The following DOK6 variants were observed in gnomAD, a reference collection of about 807,000 sequenced individuals.
DOK6 encodes the protein docking protein 6, also known as downstream of tyrosine kinase 6.
In DOK6, 22 loss-of-function variants were observed where a neutral mutation model predicts 44.0. The observed-to-expected ratio is 0.50, with a 90% CI of 0.36 to 0.71. DOK6 has a LOEUF of 0.71. DOK6 is among the 30% of genes least tolerant of loss of function. The pLI is 0.00. For synonymous variants in DOK6, 166 were observed against 145.5 expected (o/e 1.14, Z -1.01); for missense variants, 340 against 416.4 (o/e 0.82, Z 1.60).
intron 1 of DOK6, among the ~76,000 whole-genome samples, chr18:69,493,521 C>G (rs1239537339): frequency 1.3e-5 from 2 of 152,130 alleles, no homozygotes; most frequent in Non-Finnish European, 2.9e-5. Flanking sequence ...TTTAGCCACT[C>G]TAGGGGATAT....
At chr18:69,574,539 G>T (rs1418040372) in intron 2 of DOK6, among the ~76,000 whole-genome samples, 1 of 151,910 alleles carries the variant, frequency 6.6e-6, no homozygotes, top group Non-Finnish European at 1.5e-5. Flanking sequence ...AATAATGGGG[G>T]AATGCACTAT....
chr18:69,577,569 T>C (rs993193109), intron 2 of DOK6, among the ~76,000 whole-genome samples: 1 of 152,118 alleles, frequency 6.6e-6, no homozygotes, highest in African/African-American at 2.4e-5. Context: ...TATTACCACA[T>C]GCAGGTGTCT....
intron 1 of DOK6, among the ~76,000 whole-genome samples, chr18:69,421,333 C>T (rs1325507775): frequency 6.6e-6 from 1 of 152,142 alleles, no homozygotes; most frequent in Non-Finnish European, 1.5e-5. Context: ...ATTATTTAAG[C>T]CCCAGCTCAA....
intron 7 of DOK6, among the ~76,000 whole-genome samples, chr18:69,833,234 G>A (rs1236446170): frequency 6.6e-6 from 1 of 152,050 alleles, no homozygotes; most frequent in Non-Finnish European, 1.5e-5. Context: ...AATGGAAAGA[G>A]TTGAGGACCC....
intron 1 of DOK6, among the ~76,000 whole-genome samples, chr18:69,510,378 G>A (rs1377137811): frequency 6.6e-6 from 1 of 152,050 alleles, no homozygotes; most frequent in African/African-American, 2.4e-5. Flanking sequence ...CACTGTTCAG[G>A]CCATAAATTT....
At chr18:69,508,393 TTC>T (rs1179928798) in intron 1 of DOK6, among the ~76,000 whole-genome samples, 30 of 152,360 alleles carry the variant, frequency 2.0e-4, no homozygotes, top group Admixed American at 7.2e-4. Context: ...AAATATCCCC[TTC>T]TCTCTGTTTT....
At chr18:69,531,025 T>G (rs1377719226) in intron 1 of DOK6, among the ~76,000 whole-genome samples, 1 of 152,032 alleles carries the variant, frequency 6.6e-6, no homozygotes, top group Non-Finnish European at 1.5e-5. Flanking sequence ...CTTCTTTGTC[T>G]CTTTTGATCT....
chr18:69,651,013 T>G (rs1302293220), intron 3 of DOK6, among the ~76,000 whole-genome samples: 1 of 152,196 alleles, frequency 6.6e-6, no homozygotes, highest in Non-Finnish European at 1.5e-5. Flanking sequence ...ACATAAACAT[T>G]TTAAAAAGCA....
intron 5 of DOK6, among the ~76,000 whole-genome samples, chr18:69,708,783 C>CAAAA (rs376287840): frequency 1.3e-5 from 1 of 79,304 alleles, no homozygotes; most frequent in Non-Finnish European, 2.4e-5. Context: ...AAATCCGTCT[C>CAAAA]AAAAAAAAAA....
chr18:69,514,890 C>T (rs1272113434), intron 1 of DOK6, among the ~76,000 whole-genome samples: 1 of 151,112 alleles, frequency 6.6e-6, no homozygotes, highest in African/African-American at 2.4e-5. Context: ...GCAGGCATTG[C>T]CATTCAGCTC....
intron 7 of DOK6, among the ~76,000 whole-genome samples, chr18:69,805,919 T>C (rs949135000): frequency 6.6e-6 from 1 of 152,030 alleles, no homozygotes; most frequent in African/African-American, 2.4e-5. Flanking sequence ...TCTATTATAA[T>C]AATTTATCTT....
chr18:69,686,646 T>C (rs1986158599), intron 4 of DOK6, among the ~76,000 whole-genome samples: 1 of 152,030 alleles, frequency 6.6e-6, no homozygotes. Context: ...CTCTGGAAAA[T>C]AAAGCAATAT....
At chr18:69,433,879 A>G (rs1402235254) in intron 1 of DOK6, among the ~76,000 whole-genome samples, 1 of 152,146 alleles carries the variant, frequency 6.6e-6, no homozygotes, top group Non-Finnish European at 1.5e-5. Context: ...ATTCCTATGT[A>G]CTTTTTCACT....
At chr18:69,501,072 A>C (rs1017118712) in intron 1 of DOK6, among the ~76,000 whole-genome samples, 6 of 152,198 alleles carry the variant, frequency 3.9e-5, no homozygotes, top group African/African-American at 1.4e-4. Flanking sequence ...CAAACACAAA[A>C]GATGGAAAAA....
intron 1 of DOK6, among the ~76,000 whole-genome samples, chr18:69,555,745 C>T (rs557946647): frequency 6.6e-5 from 10 of 152,246 alleles, no homozygotes; most frequent in South Asian, 6.2e-4. Flanking sequence ...TCTCATGTTC[C>T]GTGTGAGCTT....
intron 1 of DOK6, among the ~76,000 whole-genome samples, chr18:69,404,770 T>G (rs1459610741): frequency 6.9e-6 from 1 of 144,698 alleles, no homozygotes; most frequent in Non-Finnish European, 1.5e-5. Flanking sequence ...TCTGAAGGAG[T>G]GTCTCAGGAT....
intron 3 of DOK6, among the ~76,000 whole-genome samples, chr18:69,633,203 C>T (rs1014021740): frequency 1.3e-5 from 2 of 152,210 alleles, no homozygotes; most frequent in Admixed American, 1.3e-4. Context: ...GTATATTCTA[C>T]TTGTCAGTAT....
chr18:69,672,163 A>G (rs1486533071), intron 3 of DOK6, among the ~76,000 whole-genome samples: 1 of 152,182 alleles, frequency 6.6e-6, no homozygotes, highest in Non-Finnish European at 1.5e-5. Context: ...GAAGGGAGGA[A>G]ATGAGGGGAA....
intron 2 of DOK6, among the ~76,000 whole-genome samples, chr18:69,583,882 G>C (rs187863057): frequency 2.0e-4 from 30 of 152,286 alleles, no homozygotes; most frequent in African/African-American, 6.7e-4. Context: ...ACCAAGGCGG[G>C]AGGATCATGA....
Sources: gnomAD v4.1 joint callset for allele counts (sites outside exome capture counted in the v4.1 genomes callset) on GRCh38, gnomAD v4.1.1 for gene constraint, MANE v1.5 for transcripts, NCBI Gene and HGNC (gene_info 2026-07-23, HGNC 2026-07-21) for gene names.